PLA2G4C: variants seen among roughly 807,000 people sequenced by gnomAD.
PLA2G4C encodes the protein phospholipase A2 group IVC.
A neutral mutation model predicts 73.8 loss-of-function variants in PLA2G4C; 64 were observed. The ratio of observed to expected loss-of-function variants is 0.87; its 90% confidence interval spans 0.71 to 1.07. PLA2G4C has a LOEUF of 1.07. PLA2G4C is among the 50% of genes least tolerant of loss of function. The probability of loss-of-function intolerance (pLI) is 0.00; values close to 1 mark genes in which losing one functional copy is unlikely to be tolerated. For missense variants in PLA2G4C, 622 were observed against 665.4 expected (o/e 0.93, Z 0.72); for synonymous variants, 254 against 252.1 (o/e 1.01, Z -0.07).
At chr19:48,085,192 T>A in intron 9 of PLA2G4C, 80 bp from the exon 10 acceptor site, 2 of 976,766 alleles carry the variant, frequency 2.0e-6, no homozygotes, top group Non-Finnish European at 3.3e-6. Flanking sequence ...ACCAGCAGAC[T>A]GGCATAAAGC....
intron 11 of PLA2G4C, among the ~76,000 whole-genome samples, chr19:48,076,842 C>G (rs1018809164): frequency 2.0e-5 from 3 of 152,126 alleles, no homozygotes; most frequent in Non-Finnish European, 2.9e-5. Flanking sequence ...TGGAGGAACA[C>G]TCAACCCATA....
rs199862419 is a variant in PLA2G4C at position 48,071,429 on chromosome 19, T to C, written c.1006+3338A>G. ...CCTCAGCCTCCCAAGTAGCTAGGAT[T>C]ACAGGCATGTGCCACCACGCCCGGC... On this transcript the variant is annotated intron_variant, in intron 12 of 16. Transcript: ENST00000599921. 4.3e-4 allele frequency among the ~76,000 whole-genome samples: 65 copies of C among 152,290 alleles called. No individual in the cohort carries two copies. The East Asian group carries it at 0.012, about 28-fold the overall frequency.
chr19:48,074,941 T>C, intron 11 of PLA2G4C, 67 bp from the exon 12 acceptor site: 1 of 1,013,752 alleles, frequency 9.9e-7, no homozygotes, highest in South Asian at 1.5e-5. Context: ...TCACAGACCC[T>C]GCTCTGCCTC....
chr19:48,091,490 T>G lies in PLA2G4C; in HGVS notation c.710-1073A>C, dbSNP rs533107870. ...GCTGTGAGTCACGGTGCTCAGTCTG[T>G]CTTTTTCTTTTGTAAGAAAATTAAT... On this transcript the variant is annotated intron_variant, in intron 7 of 16. Transcript: ENST00000599921. Among the ~76,000 whole-genome samples, 21 of 152,120 alleles carry G rather than the reference T, an allele frequency of 1.4e-4. No homozygotes were observed. The South Asian group carries it at 4.4e-3, about 32-fold the overall frequency.
chr19:48,076,223 G>A (rs1376114747), intron 11 of PLA2G4C, among the ~76,000 whole-genome samples: 1 of 152,204 alleles, frequency 6.6e-6, no homozygotes, highest in Admixed American at 6.5e-5. Context: ...GTTGACCTGT[G>A]AAAAAGCCAC....
At chr19:48,091,985 T>C (rs562186658) in intron 7 of PLA2G4C, among the ~76,000 whole-genome samples, 3 of 150,314 alleles carry the variant, frequency 2.0e-5, no homozygotes, top group African/African-American at 7.4e-5. Flanking sequence ...CGTGGAGAAA[T>C]TGGAAACCTG....
chr19:48,107,320 A>G (rs1242343062), intron 1 of PLA2G4C, among the ~76,000 whole-genome samples: 12 of 152,176 alleles, frequency 7.9e-5, no homozygotes, highest in Non-Finnish European at 1.8e-4. Context: ...GCTCACTCTG[A>G]AAACTATCTC....
At chr19:48,098,284 T>C in intron 5 of PLA2G4C, 25 bp from the exon 6 acceptor site, 3 of 1,593,666 alleles carry the variant, frequency 1.9e-6, no homozygotes, top group South Asian at 2.3e-5. Flanking sequence ...GCCAAGACAG[T>C]GTGAGGGAGG....
chr19:48,077,907 C>G, intron 10 of PLA2G4C, 83 bp from the exon 11 acceptor site: 1 of 1,143,482 alleles, frequency 8.7e-7, no homozygotes, highest in East Asian at 2.7e-5. Context: ...AGCGACGTCT[C>G]TTTAATAGAA....
chr19:48,088,615 C>A lies in PLA2G4C; in HGVS notation c.790+71G>T. 4 of 1,027,266 alleles carry A rather than the reference C, an allele frequency of 3.9e-6. No homozygotes were observed. The South Asian group carries it at 5.1e-5, about 13-fold the overall frequency. The allele number at this position is 1,027,266 out of a possible 1,614,324, so 63.6% of individuals were successfully genotyped here. Reference sequence around the variant, plus strand: ...AATCATACATGTAATGTTCCTAGGACAATGGCTGGCCTCAAGCAAGTGTGC... The same window carrying A: ...AATCATACATGTAATGTTCCTAGGAAAATGGCTGGCCTCAAGCAAGTGTGC... On this transcript the variant is annotated intron_variant, in intron 9 of 16. Transcript: ENST00000599921.
chr19:48,092,779 C>G (rs1568446475), intron 7 of PLA2G4C, among the ~76,000 whole-genome samples: 2 of 152,016 alleles, frequency 1.3e-5, no homozygotes, highest in Non-Finnish European at 2.9e-5. Flanking sequence ...ACTTAGTATT[C>G]AATGGGCGTA....
rs779375128 is a variant in PLA2G4C, at chr19:48,074,797, C to G, written c.976G>C (p.Glu326Gln). ...CTTTCGGGGTCCTCATGGGGCTGCT[C>G]CTGCTTTTCCAGGGAGGTCCTGGTC... ...NWTRTSLEKQ[E>Q]QPHEDPERKG... The change falls in exon 12 of 17, where the codon GAG becomes CAG. Residue 326 changes from glutamate (E) to glutamine (Q), a missense_variant. Coordinates refer to ENST00000599921, the MANE Select transcript of PLA2G4C (RefSeq NM_003706.3). The G allele has an allele frequency of 1.2e-6, 2 of 1,613,762 alleles. No homozygotes were observed. Among genetic ancestry groups the G allele is most frequent in the South Asian group, 2.2e-5 (2 of 91,072 alleles).
intron 1 of PLA2G4C, 98 bp from the exon 2 acceptor site, chr19:48,106,659 C>T: frequency 1.1e-6 from 1 of 893,274 alleles, no homozygotes; most frequent in Non-Finnish European, 1.9e-6. Context: ...ATGGGTTCTC[C>T]TTGTCCACTG....
Position 48,099,757 on chromosome 19 carries a change from G to A in PLA2G4C, c.361C>T (p.Gln121Ter). 6.2e-7 allele frequency: 1 copy of A among 1,614,102 alleles called. No homozygotes were observed. The highest frequency in any genetic ancestry group is 8.5e-7 in the Non-Finnish European group (1 of 1,179,968). ...GACCTCGCTGCTTGGATGGTTTTCT[G>A]TAGGCTCTTAGCCAAGTCCCACTCC... is the stretch of plus-strand genomic sequence containing the variant. Reference protein sequence around the residue: ...RQEWDLAKSLQKTIQAARSEN... With the variant: ...RQEWDLAKSL The change falls in exon 5 of 17, where the codon CAG becomes TAG. Residue 121 changes from glutamine to a stop codon, truncating the protein, a stop_gained. Transcript: ENST00000599921. LOFTEE classifies it high-confidence loss of function.
At chr19:48,091,855 G>A (rs1029732520) in intron 7 of PLA2G4C, among the ~76,000 whole-genome samples, 7 of 126,118 alleles carry the variant, frequency 5.6e-5, no homozygotes, top group African/African-American at 2.2e-4. Flanking sequence ...CTGCACTCCA[G>A]CCTGGGAGAC....
chr19:48,065,232 C>T (rs1013367402), intron 13 of PLA2G4C, among the ~76,000 whole-genome samples: 7 of 122,660 alleles, frequency 5.7e-5, no homozygotes, highest in Admixed American at 1.1e-4. Flanking sequence ...AAAGGTGAGA[C>T]GACTTGAAGT....
At chr19:48,078,674 G>C (rs902027258) in intron 10 of PLA2G4C, among the ~76,000 whole-genome samples, 4 of 152,146 alleles carry the variant, frequency 2.6e-5, no homozygotes, top group Non-Finnish European at 5.9e-5. Context: ...GGAGGTGAAA[G>C]ACTGCTACAA....
Position 48,099,815 on chromosome 19 carries a change from G to A in PLA2G4C, c.303C>T (p.Leu101=), listed in dbSNP as rs1188565485. Residue 101 remains leucine (L), a synonymous_variant, in exon 5 of 17, where the codon CTC becomes CTT. Coordinates refer to ENST00000599921, the MANE Select transcript of PLA2G4C (RefSeq NM_003706.3). ...LYTNDGDMEA[L]EADLKHRFTR... ...TAAATCGATGTTTCAGGTCAGCCTC[G>A]AGAGCTTCCATGTCACCATCATTGG... 10 of 1,613,752 alleles carry A rather than the reference G, an allele frequency of 6.2e-6. No individual in the cohort carries two copies. The highest frequency in any genetic ancestry group is 1.6e-4 in the Middle Eastern group (1 of 6,076).
At chr19:48,084,307 G>A (rs948291365) in intron 10 of PLA2G4C, among the ~76,000 whole-genome samples, 2 of 152,038 alleles carry the variant, frequency 1.3e-5, no homozygotes, top group African/African-American at 2.4e-5. Flanking sequence ...TGATCTGTCC[G>A]CCTGGGCCTC....
Sources: gnomAD v4.1 joint callset for allele counts (sites outside exome capture counted in the v4.1 genomes callset) on GRCh38, gnomAD v4.1.1 for gene constraint, MANE v1.5 for transcripts, NCBI Gene and HGNC (gene_info 2026-07-23, HGNC 2026-07-21) for gene names.